The following NCOR1 variants were observed in gnomAD, a reference collection of about 807,000 sequenced individuals.
NCOR1 encodes the protein nuclear receptor corepressor 1.
Under a neutral mutation model 288.1 loss-of-function variants are expected in NCOR1, and 63 were observed. The ratio of observed to expected loss-of-function variants is 0.22; its 90% CI spans 0.18 to 0.27. NCOR1 has a LOEUF of 0.27. NCOR1 is among the 10% of genes least tolerant of loss of function. The probability of loss-of-function intolerance (pLI) is 1.00; values close to 1 mark genes in which losing one functional copy is unlikely to be tolerated. For synonymous variants in NCOR1, 1,007 were observed against 1,065.9 expected (o/e 0.94, Z 1.08); for missense variants, 2,397 against 3,019.2 (o/e 0.79, Z 4.83).
Position 16,099,202 on chromosome 17 carries a change from T to C in NCOR1, c.2691-706A>G, listed in dbSNP as rs2067172797. 2.6e-5 allele frequency among the ~76,000 whole-genome samples: 4 copies of C among 152,250 alleles called. No individual in the cohort carries two copies. In the South Asian group the frequency reaches 8.3e-4, roughly 32 times the overall value. On this transcript the variant is annotated intron_variant, in intron 20 of 45. Coordinates refer to ENST00000268712, the MANE Select transcript of NCOR1 (RefSeq NM_006311.4). ...CCTCTGCTCACCATAGTCCCTGCCA[T>C]CTCACACTCCACCGGCTGATGTTGC...
rs368958268 is a variant in NCOR1, at chr17:16,070,972, T to TGA, written c.4152+435_4152+436dup. On this transcript the variant is annotated intron_variant, in intron 30 of 45. Transcript: ENST00000268712. ...TGAACCCAGGAGGCGGACGTTGCAG[T>TGA]GAGCCAAGATCGTGCCATTACACAA... Among the ~76,000 whole-genome samples the TGA allele has an allele frequency of 2.8e-4, 42 of 150,546 alleles. 1 individual carries two copies. The highest frequency in any genetic ancestry group is 1.0e-3 in the African/African-American group (41 of 40,756).
At chr17:16,214,008 C>T (rs2092359480) in intron 1 of NCOR1, among the ~76,000 whole-genome samples, 1 of 152,060 alleles carries the variant, frequency 6.6e-6, no homozygotes, top group South Asian at 2.1e-4. Flanking sequence ...CAAGGCCAAG[C>T]AACTGGGTAC....
At position 16,039,456 on chromosome 17, in the gene NCOR1, T is replaced by G. The variant is rs748265972; in HGVS notation, c.6932A>C (p.Glu2311Ala). ...VVTSGETRRE[E>A]GDPSPHSGGV... ...ACCTGAATGAGGTGATGGGTCCCCT[T>G]CCTCTCTTCGTGTCTCACCACTGGT... Residue 2311 changes from glutamate (E) to alanine (A), a missense_variant, in exon 44 of 46, where the codon GAA becomes GCA. Around this residue, in one of 11 missense-constraint regions of NCOR1, gnomAD observed 1,872 missense variants for 2,187.8 expected, o/e 0.86. Coordinates refer to ENST00000268712, the MANE Select transcript of NCOR1 (RefSeq NM_006311.4). The G allele has an allele frequency of 1.9e-6, 3 of 1,614,014 alleles. No individual in the cohort carries two copies. The highest frequency in any genetic ancestry group is 2.2e-5 in the South Asian group (2 of 91,068).
At chr17:16,100,359 T>C (rs1172368547) in intron 20 of NCOR1, among the ~76,000 whole-genome samples, 4 of 152,186 alleles carry the variant, frequency 2.6e-5, no homozygotes, top group African/African-American at 7.2e-5. Flanking sequence ...ACCTGTAAAC[T>C]GCAGGGAGCG....
At chr17:16,091,144 G>T (rs1567946108) in intron 22 of NCOR1, among the ~76,000 whole-genome samples, 1 of 151,962 alleles carries the variant, frequency 6.6e-6, no homozygotes, top group East Asian at 1.9e-4. Flanking sequence ...TCCATCACTT[G>T]AAATAAAAAC....
Position 16,046,937 on chromosome 17 carries a change from G to A in NCOR1, c.6679+14C>T, listed in dbSNP as rs770148121. The A allele has an allele frequency of 2.5e-6, 4 of 1,611,572 alleles. No individual in the cohort carries two copies. The highest frequency in any genetic ancestry group is 1.1e-5 in the South Asian group (1 of 90,602). On this transcript the variant is annotated intron_variant, in intron 42 of 45. Transcript: ENST00000268712. Reference sequence around the variant, plus strand: ...CATGTTTTATTTGGGGTTCATGAAAGAAATCCCACTTACCCATATCAGAGT... The same window carrying A: ...CATGTTTTATTTGGGGTTCATGAAAAAAATCCCACTTACCCATATCAGAGT...
intron 44 of NCOR1, among the ~76,000 whole-genome samples, chr17:16,035,870 T>C (rs2056254331): frequency 6.6e-6 from 1 of 152,058 alleles, no homozygotes; most frequent in South Asian, 2.1e-4. Context: ...ACACCTGCAG[T>C]GACTCCCTCC....
rs199510291 is a variant in NCOR1, at chr17:16,070,262, G to A, written c.4416C>T (p.Ser1472=). Residue 1472 remains serine (S), a synonymous_variant, in exon 31 of 46, where the codon AGC becomes AGT. Transcript: ENST00000268712. ...TLHEAPKAQL[S]PGIYDDTSAR... is the part of the protein sequence containing the mutation. ...CACTGGTGTCATCATAAATCCCAGG[G>A]CTCAGTTGTGCTTTGGGAGCTTCAT... 1.0e-4 allele frequency: 165 copies of A among 1,613,966 alleles called. No individual in the cohort carries two copies. Among genetic ancestry groups the A allele is most frequent in the Non-Finnish European group, 1.3e-4 (155 of 1,180,036 alleles).
chr17:16,092,472 G>A (rs2065332180), intron 21 of NCOR1, among the ~76,000 whole-genome samples: 1 of 151,496 alleles, frequency 6.6e-6, no homozygotes, highest in African/African-American at 2.4e-5. Flanking sequence ...GGGCAACACA[G>A]CAAGACCTAG....
chr17:16,103,502 T>C (rs990813218), intron 19 of NCOR1, among the ~76,000 whole-genome samples: 21 of 152,240 alleles, frequency 1.4e-4, no homozygotes, highest in South Asian at 8.3e-4. Flanking sequence ...AGTCCCAAAA[T>C]TGCTGGTATG....
chr17:16,077,276 A>G (rs1334926932), intron 26 of NCOR1, among the ~76,000 whole-genome samples: 1 of 132,528 alleles, frequency 7.5e-6, no homozygotes, highest in East Asian at 2.0e-4. Flanking sequence ...GCACACCTGT[A>G]ATTCCAGCTA....
In NCOR1 at chr17:16,192,741, T is replaced by C. The variant is rs188208525; in HGVS notation, c.108+1721A>G. 4.1e-3 allele frequency among the ~76,000 whole-genome samples: 628 copies of C among 152,330 alleles called. 3 individuals carry two copies. Among genetic ancestry groups the C allele is most frequent in the African/African-American group, 0.015 (604 of 41,580 alleles). On this transcript the variant is annotated intron_variant, in intron 2 of 45. Transcript: ENST00000268712. ...TTAAGAAAATGAGGCAATACTTCCTTTAATAATTTACATACAACAAACATA... is the reference window on the plus strand; with the variant it reads ...TTAAGAAAATGAGGCAATACTTCCTCTAATAATTTACATACAACAAACATA...
intron 28 of NCOR1, among the ~76,000 whole-genome samples, chr17:16,073,038 T>TG (rs2061950823): frequency 6.6e-6 from 1 of 152,220 alleles, no homozygotes; most frequent in Admixed American, 6.5e-5. Flanking sequence ...TTTAAATTCA[T>TG]GTCTTTATCC....
At chr17:16,082,296 A>G (rs945250700) in intron 23 of NCOR1, among the ~76,000 whole-genome samples, 14 of 152,228 alleles carry the variant, frequency 9.2e-5, no homozygotes, top group Non-Finnish European at 1.9e-4. Context: ...AAGAAACATG[A>G]AAGTGTGAGC....
At chr17:16,153,945 A>G (rs2079271409) in intron 6 of NCOR1, among the ~76,000 whole-genome samples, 1 of 151,800 alleles carries the variant, frequency 6.6e-6, no homozygotes, top group Admixed American at 6.6e-5. Context: ...GAAAACCGCT[A>G]ATTTGAATTA....
intron 14 of NCOR1, among the ~76,000 whole-genome samples, chr17:16,129,154 A>G (rs1366754520): frequency 6.6e-6 from 1 of 152,210 alleles, no homozygotes; most frequent in Non-Finnish European, 1.5e-5. Context: ...CAGTTAAAAT[A>G]CTTTTAGGTC....
intron 1 of NCOR1, among the ~76,000 whole-genome samples, chr17:16,207,327 G>A (rs1304012718): frequency 6.6e-6 from 1 of 152,154 alleles, no homozygotes; most frequent in Non-Finnish European, 1.5e-5. Context: ...TGTGAACTGT[G>A]TATGACAGTG....
chr17:16,161,222 C>T (rs2080778295), intron 5 of NCOR1, among the ~76,000 whole-genome samples: 1 of 95,298 alleles, frequency 1.0e-5, no homozygotes, highest in Non-Finnish European at 2.2e-5. Flanking sequence ...TAAAAGCAAA[C>T]ACACACAGAC....
chr17:16,070,132 A>G (rs2152720561), intron 31 of NCOR1, 33 bp downstream of exon 31: 5 of 1,536,770 alleles, frequency 3.3e-6, no homozygotes, highest in Non-Finnish European at 4.4e-6. Flanking sequence ...AATGCAATAA[A>G]AAGTATCAGA....
Sources: allele counts gnomAD v4.1 joint callset (sites outside exome capture counted in the v4.1 genomes callset), GRCh38; gene constraint gnomAD v4.1.1; regional missense constraint gnomAD v4.1.1; transcripts MANE v1.5; gene names NCBI Gene and HGNC (gene_info 2026-07-23, HGNC 2026-07-21).